SNTB1: variants seen among roughly 807,000 people sequenced by gnomAD.
SNTB1 encodes syntrophin beta 1.
SNTB1 carries 36 observed loss-of-function variants against 48.9 expected under a neutral mutation model. The ratio of observed to expected loss-of-function variants is 0.74; its 90% CI spans 0.56 to 0.97. The LOEUF (loss-of-function observed/expected upper bound fraction) is 0.97. Ranked by LOEUF, SNTB1 falls within the 50% of genes least tolerant of loss-of-function variation. The pLI, the probability that SNTB1 is intolerant of heterozygous loss-of-function variation, is 0.00. For missense variants in SNTB1, 786 were observed against 703.4 expected (o/e 1.12, Z -1.33); for synonymous variants, 299 against 294.6 (o/e 1.01, Z -0.15).
chr8:120,710,797 C>G lies in SNTB1; in HGVS notation c.572-16889G>C, dbSNP rs528584308. On this transcript the variant is annotated intron_variant, in intron 1 of 6. Coordinates refer to ENST00000517992, the MANE Select transcript of SNTB1 (RefSeq NM_021021.4). ...GTCTTGGACTTCCCAGCCTCCAGAACCATAAGAAATAAATTTTTTTTTCTT... is the reference window on the plus strand; with the variant it reads ...GTCTTGGACTTCCCAGCCTCCAGAAGCATAAGAAATAAATTTTTTTTTCTT... Among the ~76,000 whole-genome samples the G allele has an allele frequency of 1.4e-4, 22 of 152,290 alleles. No individual in the cohort carries two copies. The South Asian group carries it at 4.4e-3, about 30-fold the overall frequency.
chr8:120,562,082 C>A (rs1273133391), intron 4 of SNTB1, among the ~76,000 whole-genome samples: 1 of 152,226 alleles, frequency 6.6e-6, no homozygotes, highest in African/African-American at 2.4e-5. Context: ...ATTTAAGACA[C>A]TGGGATTCCC....
chr8:120,688,778 A>G (rs928951376), intron 2 of SNTB1, among the ~76,000 whole-genome samples: 2 of 152,216 alleles, frequency 1.3e-5, no homozygotes, highest in Non-Finnish European at 2.9e-5. Context: ...TTTAAAGCCT[A>G]AAGGGGTTTT....
chr8:120,630,846 CAA>C (rs1816968218), intron 3 of SNTB1, among the ~76,000 whole-genome samples: 2 of 152,242 alleles, frequency 1.3e-5, no homozygotes, highest in African/African-American at 4.8e-5. Flanking sequence ...ACAATTGGGG[CAA>C]AGAGGCCTTT....
At chr8:120,598,795 A>G (rs1386688495) in intron 3 of SNTB1, among the ~76,000 whole-genome samples, 2 of 152,066 alleles carry the variant, frequency 1.3e-5, no homozygotes, top group Non-Finnish European at 2.9e-5. Flanking sequence ...TGCTCTTCCT[A>G]GCTTCTAGAG....
chr8:120,721,390 G>C (rs751342230), intron 1 of SNTB1, among the ~76,000 whole-genome samples: 1 of 152,062 alleles, frequency 6.6e-6, no homozygotes. Flanking sequence ...TAATTGCAGG[G>C]GCATCTGTTA....
At chr8:120,633,295 T>C (rs559807299) in intron 2 of SNTB1, among the ~76,000 whole-genome samples, 2 of 152,088 alleles carry the variant, frequency 1.3e-5, no homozygotes, top group African/African-American at 4.8e-5. Context: ...GGGAGAGAGA[T>C]GCACTAAATG....
chr8:120,583,514 A>AAC (rs10524445), intron 3 of SNTB1, among the ~76,000 whole-genome samples: 5,726 of 142,952 alleles, frequency 0.04, 143 homozygotes, highest in African/African-American at 0.063. Flanking sequence ...TCCGTCTCAA[A>AAC]ACACACACAC....
intron 5 of SNTB1, among the ~76,000 whole-genome samples, chr8:120,545,820 G>T (rs560361435): frequency 1.3e-5 from 2 of 152,294 alleles, no homozygotes; most frequent in Admixed American, 6.5e-5. Context: ...ATTAAAGCTA[G>T]CATATTGGGC....
chr8:120,558,619 G>C (rs141526249), intron 4 of SNTB1, among the ~76,000 whole-genome samples: 1 of 152,296 alleles, frequency 6.6e-6, no homozygotes, highest in Non-Finnish European at 1.5e-5. Flanking sequence ...TGAAGCCATA[G>C]GTAGGAGGAG....
intron 1 of SNTB1, among the ~76,000 whole-genome samples, chr8:120,792,101 G>T (rs996918242): frequency 2.7e-5 from 4 of 148,846 alleles, no homozygotes; most frequent in Non-Finnish European, 6.0e-5. Context: ...TACTAAAGAA[G>T]CACACACACA....
intron 1 of SNTB1, among the ~76,000 whole-genome samples, chr8:120,763,715 G>T (rs1293706634): frequency 2.6e-5 from 4 of 151,702 alleles, no homozygotes; most frequent in Admixed American, 6.6e-5. Context: ...CAACCCAAGA[G>T]AAAAATGGGC....
chr8:120,637,598 G>A (rs527812296), intron 2 of SNTB1: 178 of 220,294 alleles, frequency 8.1e-4, no homozygotes, highest in African/African-American at 3.9e-3. Flanking sequence ...TTCTGATTCT[G>A]TAGTCTGCAG....
At position 120,538,844 on chromosome 8, in the gene SNTB1, CCTT is replaced by C. The variant is rs1563811871; in HGVS notation, c.*30_*32del. ...TCACGTTCTCTGGTGGCATTGCAGCCCTTCTTTTCTCAAAGGCAAGTCACCCCT... is the reference window on the plus strand; with the variant it reads ...TCACGTTCTCTGGTGGCATTGCAGCCCTTTTCTCAAAGGCAAGTCACCCCT... On this transcript the variant is annotated 3_prime_UTR_variant, in exon 7 of 7. Transcript: ENST00000517992. 2.6e-6 allele frequency: 4 copies of C among 1,552,714 alleles called. No individual in the cohort carries two copies. Among genetic ancestry groups the C allele is most frequent in the Non-Finnish European group, 3.6e-6 (4 of 1,124,572 alleles).
intron 1 of SNTB1, among the ~76,000 whole-genome samples, chr8:120,779,034 G>A (rs1349459180): frequency 2.0e-5 from 3 of 152,078 alleles, no homozygotes; most frequent in Non-Finnish European, 2.9e-5. Flanking sequence ...TAGGCTCCAC[G>A]TGGGGCCCTG....
chr8:120,669,896 G>C (rs1817731640), intron 2 of SNTB1, among the ~76,000 whole-genome samples: 1 of 152,188 alleles, frequency 6.6e-6, no homozygotes, highest in Non-Finnish European at 1.5e-5. Flanking sequence ...AATACACTTT[G>C]AGTAGCAAGA....
intron 1 of SNTB1, among the ~76,000 whole-genome samples, chr8:120,799,019 G>A (rs1371128084): frequency 6.6e-6 from 1 of 152,032 alleles, no homozygotes; most frequent in Non-Finnish European, 1.5e-5. Flanking sequence ...TGACCAGGGA[G>A]TTAATGTCCC....
intron 3 of SNTB1, among the ~76,000 whole-genome samples, chr8:120,581,960 G>A (rs932284678): frequency 2.0e-5 from 3 of 151,918 alleles, no homozygotes; most frequent in East Asian, 1.9e-4. Flanking sequence ...GCTTGAACCC[G>A]GGAGGTGGAA....
intron 1 of SNTB1, among the ~76,000 whole-genome samples, chr8:120,794,843 AC>A (rs1483222717): frequency 1.3e-5 from 2 of 152,032 alleles, no homozygotes; most frequent in Non-Finnish European, 2.9e-5. Context: ...TCTGAGAAGG[AC>A]CATGGCCATA....
At chr8:120,659,430 T>G (rs1457466024) in intron 2 of SNTB1, among the ~76,000 whole-genome samples, 3 of 152,220 alleles carry the variant, frequency 2.0e-5, no homozygotes, top group Admixed American at 6.5e-5. Context: ...TTCGGTCACA[T>G]CTTCAGGTCC....
Sources: gnomAD v4.1 joint callset for allele counts (sites outside exome capture counted in the v4.1 genomes callset) on GRCh38, gnomAD v4.1.1 for gene constraint, MANE v1.5 for transcripts, NCBI Gene and HGNC (gene_info 2026-07-23, HGNC 2026-07-21) for gene names.